EFCAB13: variants seen among roughly 807,000 people sequenced by gnomAD.
EFCAB13 encodes EF-hand calcium-binding domain-containing protein 13.
In EFCAB13, 91 loss-of-function variants were observed where a neutral mutation model predicts 110.2. That is an observed-to-expected ratio of 0.83 (90% CI 0.70 to 0.98). The LOEUF (loss-of-function observed/expected upper bound fraction) is 0.98, where lower values mean the gene tolerates loss of function less well. EFCAB13 is among the 50% of genes least tolerant of loss of function. The probability of loss-of-function intolerance (pLI) is 0.00; values close to 1 mark genes in which losing one functional copy is unlikely to be tolerated. For missense variants in EFCAB13, 968 were observed against 1,119.4 expected (o/e 0.86, Z 1.93); for synonymous variants, 323 against 369.9 (o/e 0.87, Z 1.45).
rs151206799 is a variant in EFCAB13, at chr17:47,363,035, G to C, written c.805+1514G>C. On this transcript the variant is annotated intron_variant, in intron 10 of 24. Coordinates refer to ENST00000331493, the MANE Select transcript of EFCAB13 (RefSeq NM_152347.5). ...ACACTCTCTCGTCTCCGCACACGGG[G>C]AGAAAACCCACTGACCCTGTGGGGC... Among the ~76,000 whole-genome samples, 3 of 152,178 alleles carry C rather than the reference G, an allele frequency of 2.0e-5. No homozygotes were observed. The East Asian group carries it at 5.8e-4, about 29-fold the overall frequency.
In EFCAB13 at chr17:47,362,362, G is replaced by C. The variant is rs557589122; in HGVS notation, c.805+841G>C. Among the ~76,000 whole-genome samples the C allele has an allele frequency of 6.6e-5, 10 of 152,306 alleles. No individual in the cohort carries two copies. The South Asian group carries it at 2.1e-3, about 32-fold the overall frequency. The stretch of plus-strand genomic sequence containing the variant: ...GTGAGCCTTCTGTTATGCCTGGACA[G>C]GGCCACCAGAGGGCTCCTTGGTCTA... On this transcript the variant is annotated intron_variant, in intron 10 of 24. Transcript: ENST00000331493.
chr17:47,409,820 G>A, intron 21 of EFCAB13, 129 bp downstream of exon 21: 1 of 698,552 alleles, frequency 1.4e-6, no homozygotes, highest in South Asian at 1.8e-5. Flanking sequence ...TTCCACAATA[G>A]TAATCTGATC....
At chr17:47,359,756 C>T (rs1259167732) in intron 9 of EFCAB13, among the ~76,000 whole-genome samples, 1 of 143,632 alleles carries the variant, frequency 7.0e-6, no homozygotes, top group East Asian at 2.1e-4. Context: ...GGTATATCTC[C>T]TAATGCTGTC....
intron 11 of EFCAB13, among the ~76,000 whole-genome samples, chr17:47,370,712 C>T (rs867153381): frequency 5.3e-5 from 8 of 150,498 alleles, no homozygotes; most frequent in Non-Finnish European, 7.4e-5. Context: ...TATTCTTTGC[C>T]CAGTTTTTTG....
At chr17:47,336,341 G>C (rs1410178963) in intron 5 of EFCAB13, among the ~76,000 whole-genome samples, 1 of 150,976 alleles carries the variant, frequency 6.6e-6, no homozygotes, top group Non-Finnish European at 1.5e-5. Context: ...GCCCAGGCTG[G>C]AGTGTAGTGG....
intron 12 of EFCAB13, among the ~76,000 whole-genome samples, chr17:47,376,071 T>G (rs907266703): frequency 1.3e-5 from 2 of 152,358 alleles, no homozygotes; most frequent in East Asian, 3.9e-4. Context: ...CTGAAGTTAC[T>G]TAAGTCATAT....
Position 47,417,516 on chromosome 17 carries a change from A to G in EFCAB13, c.2494+2597A>G, listed in dbSNP as rs893629473. Among the ~76,000 whole-genome samples, 3 of 152,214 alleles carry G rather than the reference A, an allele frequency of 2.0e-5. No individual in the cohort carries two copies. In the South Asian group the frequency reaches 6.2e-4, roughly 31 times the overall value. ...TTCTACCCGATTGTCTAATGTCAATATGTTTCCTTGCATTGCTTCTTCTAT... is the reference window on the plus strand; with the variant it reads ...TTCTACCCGATTGTCTAATGTCAATGTGTTTCCTTGCATTGCTTCTTCTAT... On this transcript the variant is annotated intron_variant, in intron 23 of 24. Coordinates refer to ENST00000331493, the MANE Select transcript of EFCAB13 (RefSeq NM_152347.5).
intron 23 of EFCAB13, among the ~76,000 whole-genome samples, chr17:47,420,913 C>T (rs571866242): frequency 6.9e-5 from 10 of 145,034 alleles, no homozygotes; most frequent in Non-Finnish European, 1.1e-4. Flanking sequence ...AGGTGAGGGG[C>T]GCCTCTGCCC....
chr17:47,340,928 T>C (rs1289285176), intron 5 of EFCAB13, among the ~76,000 whole-genome samples: 1 of 151,932 alleles, frequency 6.6e-6, no homozygotes, highest in African/African-American at 2.4e-5. Flanking sequence ...TCTCTCATGA[T>C]TTACTGGATC....
intron 17 of EFCAB13, among the ~76,000 whole-genome samples, chr17:47,398,265 C>A (rs1319659935): frequency 2.7e-5 from 4 of 146,774 alleles, no homozygotes; most frequent in Admixed American, 2.0e-4. Flanking sequence ...GCCCGGCCAG[C>A]CACCCCGCCC....
At chr17:47,399,381 T>C (rs2143438479) in intron 17 of EFCAB13, among the ~76,000 whole-genome samples, 1 of 152,358 alleles carries the variant, frequency 6.6e-6, no homozygotes, top group Admixed American at 6.5e-5. Context: ...ATTTAGTTCT[T>C]ATTTTAATGC....
intron 9 of EFCAB13, among the ~76,000 whole-genome samples, chr17:47,351,057 C>A (rs867748321): frequency 2.0e-5 from 3 of 152,072 alleles, no homozygotes; most frequent in Non-Finnish European, 4.4e-5. Context: ...TCATCCTTCA[C>A]CCCCTTCCCA....
At chr17:47,413,048 T>C in intron 22 of EFCAB13, 132 bp downstream of exon 22, 1 of 819,344 alleles carries the variant, frequency 1.2e-6, no homozygotes, top group Non-Finnish European at 1.8e-6. Context: ...TGATACAAAT[T>C]AGAGCCAAAC....
rs752868110 is a variant in EFCAB13, at chr17:47,402,179, A to G, written c.1993A>G (p.Met665Val). The G allele has an allele frequency of 2.5e-6, 4 of 1,613,952 alleles. No individual in the cohort carries two copies. Among genetic ancestry groups the G allele is most frequent in the Non-Finnish European group, 3.4e-6 (4 of 1,179,890 alleles). ...FEEFAKVVRN[M>V]RDAARLEELQ... Reference sequence around the variant, plus strand: ...AGAATTTGCAAAAGTAGTAAGGAATATGCGTGATGCTGCCAGGTTAGAAGG... The same window carrying G: ...AGAATTTGCAAAAGTAGTAAGGAATGTGCGTGATGCTGCCAGGTTAGAAGG... The change falls in exon 18 of 25, where the codon ATG becomes GTG. Residue 665 changes from methionine (M) to valine (V), a missense_variant. Met to Val is a conservative substitution (Grantham distance 21). Transcript: ENST00000331493.
At chr17:47,389,121 C>T (rs2065692121) in intron 14 of EFCAB13, among the ~76,000 whole-genome samples, 1 of 152,128 alleles carries the variant, frequency 6.6e-6, no homozygotes, top group African/African-American at 2.4e-5. Flanking sequence ...CAGCCTAGAC[C>T]TCCTGGGCTC....
At position 47,403,991 on chromosome 17, in the gene EFCAB13, G is replaced by A. The variant is rs1215391077; in HGVS notation, c.2131G>A (p.Glu711Lys). The A allele has an allele frequency of 2.5e-6, 4 of 1,598,212 alleles. No individual in the cohort carries two copies. The highest frequency in any genetic ancestry group is 3.4e-6 in the Non-Finnish European group (4 of 1,174,212). ...VGIKSPKEEV[E>K]KILQSDFVSE... The stretch of plus-strand genomic sequence containing the variant: ...GATTAAGTCACCTAAAGAAGAGGTA[G>A]AGAAAATTCTTCAATCAGATTTTGT... The change falls in exon 19 of 25, where the codon GAG becomes AAG. Residue 711 changes from glutamate (E) to lysine (K), a missense_variant. Transcript: ENST00000331493.
intron 14 of EFCAB13, 115 bp downstream of exon 14, chr17:47,379,368 C>T (rs554689448): frequency 1.4e-6 from 1 of 719,624 alleles, no homozygotes; most frequent in South Asian, 1.9e-5. Flanking sequence ...TCCTGTGACT[C>T]TTAGGCAAGT....
intron 24 of EFCAB13, among the ~76,000 whole-genome samples, chr17:47,432,621 A>C (rs1905140576): frequency 6.6e-6 from 1 of 152,086 alleles, no homozygotes; most frequent in African/African-American, 2.4e-5. Context: ...AAATTAATAG[A>C]ACATTTCATT....
chr17:47,379,333 T>C (rs1209534962), intron 14 of EFCAB13, 80 bp downstream of exon 14: 3 of 1,159,332 alleles, frequency 2.6e-6, no homozygotes, highest in Non-Finnish European at 3.9e-6. Flanking sequence ...AGAACTGGGC[T>C]TGCTTTTGGA....
Sources: gnomAD v4.1 joint callset for allele counts (sites outside exome capture counted in the v4.1 genomes callset) on GRCh38, gnomAD v4.1.1 for gene constraint, MANE v1.5 for transcripts, NCBI Gene and HGNC (gene_info 2026-07-23, HGNC 2026-07-21) for gene names.